The following RAD50 variants were observed in gnomAD, a reference collection of about 807,000 sequenced individuals.
The protein encoded by RAD50 is RAD50 double strand break repair protein.
A neutral mutation model predicts 168.8 loss-of-function variants in RAD50; 132 were observed. The ratio of observed to expected loss-of-function variants is 0.78; its 90% CI spans 0.68 to 0.90. The LOEUF is 0.90. Among genes scored for constraint, RAD50 ranks in the 40% least tolerant of loss-of-function variants. The pLI is 0.00. For missense variants in RAD50, 1,347 were observed against 1,534.4 expected (o/e 0.88, Z 2.04); for synonymous variants, 525 against 497.4 (o/e 1.06, Z -0.74).
intron 3 of RAD50, among the ~76,000 whole-genome samples, chr5:132,578,367 G>A (rs1213027401): frequency 6.6e-6 from 1 of 152,010 alleles, no homozygotes; most frequent in Non-Finnish European, 1.5e-5. Flanking sequence ...AAATGTCTCT[G>A]GAATCTGTTT....
intron 11 of RAD50, among the ~76,000 whole-genome samples, chr5:132,594,306 G>A (rs1750752247): frequency 6.6e-6 from 1 of 152,104 alleles, no homozygotes; most frequent in Non-Finnish European, 1.5e-5. Flanking sequence ...CCTGCAAATT[G>A]AAAAACCATG....
intron 2 of RAD50, among the ~76,000 whole-genome samples, chr5:132,568,831 TAAAG>T (rs1213374471): frequency 2.6e-5 from 4 of 152,226 alleles, no homozygotes; most frequent in East Asian, 3.8e-4. Flanking sequence ...TAGTAATTGT[TAAAG>T]AAAGTTTTTG....
intron 16 of RAD50, 28 bp from the exon 17 acceptor site, chr5:132,608,584 ATAT>A: frequency 2.0e-6 from 3 of 1,477,470 alleles, no homozygotes. Context: ...ATGGAATATT[ATAT>A]AATACTTTAT....
At chr5:132,637,763 C>T (rs1293537308) in intron 22 of RAD50, among the ~76,000 whole-genome samples, 1 of 152,070 alleles carries the variant, frequency 6.6e-6, no homozygotes, top group Non-Finnish European at 1.5e-5. Flanking sequence ...CAAACTCCTG[C>T]CCTCAGGTGA....
chr5:132,559,289 C>T lies in RAD50; in HGVS notation c.135C>T (p.Ile45=), dbSNP rs745566783. The T allele has an allele frequency of 9.4e-6, 15 of 1,603,028 alleles. No homozygotes were observed. Among genetic ancestry groups the T allele is most frequent in the South Asian group, 3.4e-5 (3 of 87,950 alleles). The stretch of plus-strand genomic sequence containing the variant: ...GTAATTTTCTATTTCTTTAGACCAT[C>T]ATTGAATGTCTAAAATATATTTGTA... ...VGPNGAGKTT[I]IECLKYICTG... is the part of the protein sequence containing the mutation. Residue 45 remains isoleucine, a synonymous_variant, in exon 2 of 25, where the codon ATC becomes ATT. Transcript: ENST00000378823.
intron 7 of RAD50, among the ~76,000 whole-genome samples, chr5:132,588,408 C>G (rs1353437593): frequency 6.6e-6 from 1 of 152,058 alleles, no homozygotes; most frequent in African/African-American, 2.4e-5. Context: ...TGAACCGACA[C>G]AGGTGATAAA....
At chr5:132,609,643 G>A (rs1044621799) in intron 19 of RAD50, among the ~76,000 whole-genome samples, 7 of 152,174 alleles carry the variant, frequency 4.6e-5, no homozygotes, top group Admixed American at 2.0e-4. Flanking sequence ...TTAGCTGGCC[G>A]TGGCGGCGCG....
chr5:132,617,209 TATAAA>T (rs1392856263), intron 20 of RAD50, among the ~76,000 whole-genome samples: 1 of 152,224 alleles, frequency 6.6e-6, no homozygotes, highest in Non-Finnish European at 1.5e-5. Context: ...GAAATTTTGA[TATAAA>T]ATAATATATT....
intron 23 of RAD50, among the ~76,000 whole-genome samples, chr5:132,639,903 C>T (rs1001823210): frequency 2.6e-5 from 4 of 152,168 alleles, no homozygotes; most frequent in Non-Finnish European, 4.4e-5. Context: ...AAATTACCAA[C>T]TCACTGATGT....
intron 21 of RAD50, among the ~76,000 whole-genome samples, chr5:132,619,872 A>ATATATATATATATATATCTT (rs1554099989): frequency 2.1e-5 from 2 of 93,944 alleles, no homozygotes; most frequent in African/African-American, 7.7e-5. Context: ...ATATATAAAG[A>ATATATATATATATATATCTT]TATATATATA....
At position 132,594,957 on chromosome 5, in the gene RAD50, A is replaced by G. The variant is rs764497795; in HGVS notation, c.1882A>G (p.Lys628Glu). 1 of 1,611,984 alleles carries G rather than the reference A, an allele frequency of 6.2e-7. No individual in the cohort carries two copies. Among genetic ancestry groups the G allele is most frequent in the Non-Finnish European group, 8.5e-7 (1 of 1,178,002 alleles). ...KEEQLSSYED[K>E]LFDVCGSQDF... ...AGAGCAGTTGTCCAGTTACGAAGAC[A>G]AGCTGTTTGATGTTTGTGGTAGCCA... The change falls in exon 12 of 25, where the codon AAG becomes GAG. Residue 628 changes from lysine to glutamate, a missense_variant. Transcript: ENST00000378823.
intron 11 of RAD50, chr5:132,592,618 G>T (rs1580995239): frequency 1.1e-5 from 3 of 264,146 alleles, no homozygotes; most frequent in East Asian, 1.7e-4. Flanking sequence ...CCTTTCTTCG[G>T]CCCTCCAGAA....
intron 5 of RAD50, among the ~76,000 whole-genome samples, chr5:132,583,033 T>C (rs1443695965): frequency 1.3e-5 from 2 of 152,196 alleles, no homozygotes; most frequent in Admixed American, 1.3e-4. Flanking sequence ...AAAACACTGA[T>C]GGAAAGAAAC....
chr5:132,584,838 C>T (rs564980494), intron 5 of RAD50, among the ~76,000 whole-genome samples: 20 of 151,444 alleles, frequency 1.3e-4, no homozygotes, highest in East Asian at 3.9e-4. Flanking sequence ...AGCAAACTAC[C>T]GCAAGAACAA....
chr5:132,633,651 C>A (rs1751517884), intron 21 of RAD50, among the ~76,000 whole-genome samples: 2 of 151,886 alleles, frequency 1.3e-5, no homozygotes, highest in Admixed American at 6.6e-5. Flanking sequence ...TCACAGCTTA[C>A]TGTAGCTTCA....
intron 19 of RAD50, among the ~76,000 whole-genome samples, chr5:132,612,248 C>T (rs1751100982): frequency 6.6e-6 from 1 of 152,176 alleles, no homozygotes; most frequent in Non-Finnish European, 1.5e-5. Context: ...AGAAGCCAGT[C>T]ACAAAAGGTC....
chr5:132,622,022 A>G (rs368023759), intron 21 of RAD50, among the ~76,000 whole-genome samples: 1 of 152,102 alleles, frequency 6.6e-6, no homozygotes, highest in Non-Finnish European at 1.5e-5. Flanking sequence ...CCCCTCTTGC[A>G]TATACTGGGC....
intron 23 of RAD50, among the ~76,000 whole-genome samples, chr5:132,639,128 G>A (rs545781726): frequency 4.0e-5 from 6 of 151,894 alleles, no homozygotes; most frequent in South Asian, 4.2e-4. Flanking sequence ...AGGCCGAGGC[G>A]GGCAGATCAC....
rs187218978 is a variant in RAD50 at position 132,565,338 on chromosome 5, C to T, written c.213+5971C>T. Among the ~76,000 whole-genome samples the T allele has an allele frequency of 7.2e-5, 11 of 152,096 alleles. No individual in the cohort carries two copies. In the East Asian group the frequency reaches 2.1e-3, roughly 29 times the overall value. ...AAGAATGTACTTATACAACCATAAT[C>T]TTAATATATTGACTTAATCAATCCT... On this transcript the variant is annotated intron_variant, in intron 2 of 24. Coordinates refer to ENST00000378823, the MANE Select transcript of RAD50 (RefSeq NM_005732.4).
Sources: gnomAD v4.1 joint callset for allele counts (sites outside exome capture counted in the v4.1 genomes callset) on GRCh38, gnomAD v4.1.1 for gene constraint, MANE v1.5 for transcripts, NCBI Gene and HGNC (gene_info 2026-07-23, HGNC 2026-07-21) for gene names.